Variants in AXDND1 observed in about 807,000 individuals in gnomAD.
AXDND1 encodes axonemal dynein light chain domain containing 1.
A neutral mutation model predicts 137.5 loss-of-function variants in AXDND1; 110 were observed. That is an observed-to-expected ratio of 0.80 (90% CI 0.69 to 0.94). AXDND1 has a LOEUF of 0.94. AXDND1 is among the 40% of genes least tolerant of loss of function. The probability of loss-of-function intolerance (pLI) is 0.00; values close to 1 mark genes in which losing one functional copy is unlikely to be tolerated. For synonymous variants in AXDND1, 414 were observed against 399.7 expected (o/e 1.04, Z -0.43); for missense variants, 1,191 against 1,169.8 (o/e 1.02, Z -0.26).
chr1:179,457,507 C>T (rs925379750), intron 16 of AXDND1, among the ~76,000 whole-genome samples: 9 of 152,184 alleles, frequency 5.9e-5, no homozygotes, highest in African/African-American at 2.2e-4. Flanking sequence ...AGTTTAGCTT[C>T]CCCCATACTT....
At chr1:179,540,600 C>T (rs1672032588) in intron 25 of AXDND1, among the ~76,000 whole-genome samples, 1 of 152,180 alleles carries the variant, frequency 6.6e-6, no homozygotes, top group Non-Finnish European at 1.5e-5. Context: ...AGATGCCAGC[C>T]AGTGCTCTCC....
At chr1:179,412,402 C>T (rs886499920) in intron 12 of AXDND1, among the ~76,000 whole-genome samples, 1 of 152,154 alleles carries the variant, frequency 6.6e-6, no homozygotes, top group South Asian at 2.1e-4. Flanking sequence ...CAGGTCACAG[C>T]GTTCTCCATG....
At chr1:179,400,687 A>G (rs1173742739) in intron 11 of AXDND1, among the ~76,000 whole-genome samples, 1 of 146,444 alleles carries the variant, frequency 6.8e-6, no homozygotes, top group Admixed American at 6.8e-5. Flanking sequence ...GCAGATCACG[A>G]GGTCAGGAGA....
At chr1:179,417,053 A>C (rs1654818489) in intron 12 of AXDND1, among the ~76,000 whole-genome samples, 1 of 152,066 alleles carries the variant, frequency 6.6e-6, no homozygotes, top group African/African-American at 2.4e-5. Context: ...ATGATATCTC[A>C]TTGTAGTTTT....
intron 20 of AXDND1, among the ~76,000 whole-genome samples, chr1:179,499,116 G>T (rs1471563827): frequency 6.6e-6 from 1 of 152,046 alleles, no homozygotes; most frequent in Non-Finnish European, 1.5e-5. Flanking sequence ...CTACCAAAAA[G>T]ACATATGCAT....
At chr1:179,429,857 A>G (rs571536923) in intron 13 of AXDND1, among the ~76,000 whole-genome samples, 11 of 151,490 alleles carry the variant, frequency 7.3e-5, no homozygotes, top group African/African-American at 2.7e-4. Flanking sequence ...TCATACAATT[A>G]TGATCCTATT....
At chr1:179,413,025 A>G (rs1475905841) in intron 12 of AXDND1, among the ~76,000 whole-genome samples, 1 of 152,272 alleles carries the variant, frequency 6.6e-6, no homozygotes, top group East Asian at 1.9e-4. Flanking sequence ...TTCTGTGTCA[A>G]TTGAGATTAC....
chr1:179,537,420 T>G (rs1477696678), intron 25 of AXDND1, among the ~76,000 whole-genome samples: 6 of 151,394 alleles, frequency 4.0e-5, no homozygotes, highest in African/African-American at 1.5e-4. Flanking sequence ...GGGCTGTTGT[T>G]GAAGGCCTTT....
chr1:179,515,557 T>C (rs1302485839), intron 21 of AXDND1, among the ~76,000 whole-genome samples: 2 of 152,202 alleles, frequency 1.3e-5, no homozygotes, highest in African/African-American at 4.8e-5. Flanking sequence ...GCCTAGGTGA[T>C]GATCTTTTTG....
intron 17 of AXDND1, among the ~76,000 whole-genome samples, chr1:179,477,789 T>C (rs926105252): frequency 2.0e-5 from 3 of 152,068 alleles, no homozygotes; most frequent in Admixed American, 6.5e-5. Flanking sequence ...AAGTCCACAG[T>C]CCAAAGTCTC....
intron 20 of AXDND1, among the ~76,000 whole-genome samples, 181 bp from the exon 21 acceptor site, chr1:179,509,115 G>C (rs1408939565): frequency 6.6e-6 from 1 of 152,160 alleles, no homozygotes; most frequent in Non-Finnish European, 1.5e-5. Context: ...GTCAATAAGA[G>C]ATAATATGAT....
At chr1:179,465,594 G>A (rs1313719771) in intron 16 of AXDND1, among the ~76,000 whole-genome samples, 1 of 152,212 alleles carries the variant, frequency 6.6e-6, no homozygotes, top group South Asian at 2.1e-4. Flanking sequence ...GAGACAGTCT[G>A]TCTGTTCTCA....
At chr1:179,481,350 A>G (rs1357810249) in intron 17 of AXDND1, among the ~76,000 whole-genome samples, 1 of 152,116 alleles carries the variant, frequency 6.6e-6, no homozygotes, top group Non-Finnish European at 1.5e-5. Context: ...TCCATGGTGT[A>G]TATGTGCCAC....
At position 179,511,422 on chromosome 1, in the gene AXDND1, G is replaced by GTGTGTA. The variant is rs1553300903; in HGVS notation, c.2496+2020_2496+2021insGTGTAT. On this transcript the variant is annotated intron_variant, in intron 21 of 25. Transcript: ENST00000367618. ...TGTGTGTGTGTGTGTGTGTGTGTGT[G>GTGTGTA]TATATGTATATACACCACAGATTTT... is the stretch of plus-strand genomic sequence containing the variant. 3.3e-5 allele frequency among the ~76,000 whole-genome samples: 5 copies of GTGTGTA among 149,510 alleles called. No homozygotes were observed. In the East Asian group the frequency reaches 5.8e-4, roughly 17 times the overall value.
At chr1:179,392,036 T>G (rs1650285445) in intron 9 of AXDND1, among the ~76,000 whole-genome samples, 2 of 152,180 alleles carry the variant, frequency 1.3e-5, no homozygotes, top group South Asian at 4.1e-4. Context: ...GGGTATATCC[T>G]TATAGCGCTG....
intron 16 of AXDND1, chr1:179,447,589 C>T: frequency 1.9e-6 from 2 of 1,074,148 alleles, no homozygotes; most frequent in Non-Finnish European, 2.7e-6. Context: ...AAGAAAGGTT[C>T]AACTTACTAG....
intron 25 of AXDND1, among the ~76,000 whole-genome samples, chr1:179,553,220 A>G (rs1171900737): frequency 2.6e-5 from 4 of 152,264 alleles, no homozygotes; most frequent in Non-Finnish European, 5.9e-5. Context: ...AAAGTTAAAT[A>G]CGGAGTTACC....
At chr1:179,381,078 T>C (rs1020005999) in intron 6 of AXDND1, among the ~76,000 whole-genome samples, 1 of 145,598 alleles carries the variant, frequency 6.9e-6, no homozygotes, top group Admixed American at 7.1e-5. Flanking sequence ...TTCGCTCTTA[T>C]TGCCCAAGCT....
At chr1:179,390,737 A>G (rs1034334225) in intron 9 of AXDND1, among the ~76,000 whole-genome samples, 5 of 149,122 alleles carry the variant, frequency 3.4e-5, no homozygotes, top group Non-Finnish European at 7.4e-5. Flanking sequence ...GCAGGAAAAC[A>G]CAGCCTAGAT....
Sources: allele counts gnomAD v4.1 joint callset (sites outside exome capture counted in the v4.1 genomes callset), GRCh38; gene constraint gnomAD v4.1.1; transcripts MANE v1.5; gene names NCBI Gene and HGNC (gene_info 2026-07-23, HGNC 2026-07-21).